The following MYO16 variants were observed in gnomAD, a reference collection of about 807,000 sequenced individuals.
MYO16 encodes myosin XVI.
MYO16 carries 94 observed loss-of-function variants against 205.3 expected under a neutral mutation model. The ratio of observed to expected loss-of-function variants is 0.46; its 90% CI spans 0.39 to 0.54. The LOEUF is 0.54. Among genes scored for constraint, MYO16 ranks in the 20% least tolerant of loss-of-function variants. The pLI, the probability that MYO16 is intolerant of heterozygous loss-of-function variation, is 0.00. For missense variants in MYO16, 2,315 were observed against 2,387.5 expected (o/e 0.97, Z 0.63); for synonymous variants, 988 against 954.0 (o/e 1.04, Z -0.66).
chr13:108,760,759 G>C (rs1308402078), intron 4 of MYO16, among the ~76,000 whole-genome samples: 1 of 152,146 alleles, frequency 6.6e-6, no homozygotes, highest in Non-Finnish European at 1.5e-5. Flanking sequence ...AGAGGAAGGA[G>C]GAGGTGGCAT....
chr13:108,898,518 C>T (rs117568636), intron 15 of MYO16, among the ~76,000 whole-genome samples: 1,959 of 152,088 alleles, frequency 0.013, 26 homozygotes, highest in Admixed American at 0.022. Context: ...AAACCCAGAC[C>T]AAACGTAGCT....
In MYO16 at chr13:108,667,430, C is replaced by T. The variant is rs1159344400; in HGVS notation, c.292+1281C>T. The stretch of plus-strand genomic sequence containing the variant: ...TCCACTTACTTTACCCATGAAGGAA[C>T]TGAAATTCAGCCATTGTATCATATT... On this transcript the variant is annotated intron_variant, in intron 2 of 34. Transcript: ENST00000457511. Among the ~76,000 whole-genome samples, 7 of 149,954 alleles carry T rather than the reference C, an allele frequency of 4.7e-5. No homozygotes were observed. In the South Asian group the frequency reaches 1.3e-3, roughly 27 times the overall value.
the MYO16 span, among the ~76,000 whole-genome samples, chr13:108,585,126 A>G: frequency 6.6e-6 from 1 of 152,112 alleles, no homozygotes; most frequent in Non-Finnish European, 1.5e-5. Context: ...TCTGTAAAAT[A>G]TTTTCAGAGA....
chr13:108,520,230 A>G, the MYO16 span, among the ~76,000 whole-genome samples: 50,238 of 151,964 alleles, frequency 0.33, 10,202 homozygotes, highest in African/African-American at 0.57. Flanking sequence ...TCTGTCTGGT[A>G]TGCTTCAGTT....
the MYO16 span, among the ~76,000 whole-genome samples, chr13:108,578,013 A>G: frequency 2.0e-5 from 3 of 152,116 alleles, no homozygotes; most frequent in Non-Finnish European, 4.4e-5. Flanking sequence ...GCTCCTCTTT[A>G]TGTTTTGATC....
chr13:108,661,849 G>A (rs1474417753), intron 1 of MYO16, among the ~76,000 whole-genome samples: 1 of 152,082 alleles, frequency 6.6e-6, no homozygotes, highest in Non-Finnish European at 1.5e-5. Context: ...TTTTTGGGAT[G>A]TTGAAGAGCC....
intron 16 of MYO16, among the ~76,000 whole-genome samples, chr13:108,920,798 A>G (rs1237870185): frequency 6.6e-6 from 1 of 152,236 alleles, no homozygotes; most frequent in Non-Finnish European, 1.5e-5. Context: ...TTCCGTATAA[A>G]TAAGAGATAT....
At chr13:108,533,232 T>A in the MYO16 span, among the ~76,000 whole-genome samples, 1 of 152,052 alleles carries the variant, frequency 6.6e-6, no homozygotes. Flanking sequence ...CAAAGAGAAG[T>A]TACCTCCCGA....
intron 9 of MYO16, among the ~76,000 whole-genome samples, chr13:108,839,573 C>T (rs1275870498): frequency 6.6e-6 from 1 of 152,124 alleles, no homozygotes; most frequent in Non-Finnish European, 1.5e-5. Flanking sequence ...ATATCATTCA[C>T]TCCCAAAAAG....
At chr13:108,895,958 G>A (rs967969990) in intron 14 of MYO16, among the ~76,000 whole-genome samples, 8 of 152,140 alleles carry the variant, frequency 5.3e-5, no homozygotes, top group East Asian at 3.9e-4. Flanking sequence ...TTATTCCAGC[G>A]TGAGAATTAA....
intron 23 of MYO16, among the ~76,000 whole-genome samples, chr13:109,023,616 T>G (rs1354934071): frequency 3.2e-5 from 4 of 125,434 alleles, no homozygotes; most frequent in South Asian, 4.7e-4. Flanking sequence ...TATTTATATA[T>G]ACAAATATAT....
chr13:108,557,861 T>G, the MYO16 span, among the ~76,000 whole-genome samples: 1 of 152,288 alleles, frequency 6.6e-6, no homozygotes, highest in Admixed American at 6.5e-5. Flanking sequence ...CCTTTTTTAT[T>G]AAATTTTATT....
the MYO16 span, among the ~76,000 whole-genome samples, chr13:108,531,625 A>AT: frequency 0.8 from 118,021 of 148,328 alleles, 46,965 homozygotes; most frequent in Admixed American, 0.84. Flanking sequence ...ATGCTTTCTA[A>AT]TTTTTTTTTT....
At chr13:108,542,613 T>C in the MYO16 span, among the ~76,000 whole-genome samples, 3 of 152,334 alleles carry the variant, frequency 2.0e-5, no homozygotes, top group East Asian at 3.9e-4. Flanking sequence ...TATTTTGAAA[T>C]CTTACATACA....
chr13:109,055,869 T>A lies in MYO16; in HGVS notation c.3335+274T>A, dbSNP rs527834394. The A allele has an allele frequency of 4.7e-5, 14 of 298,278 alleles. No individual in the cohort carries two copies. The highest frequency in any genetic ancestry group is 2.8e-4 in the African/African-American group (13 of 47,106). The allele number at this position is 298,278 out of a possible 1,614,324, so 18.5% of individuals were successfully genotyped here. A position where few individuals can be genotyped will look rare whatever the true frequency, so the allele number is the denominator to read the frequency against. On this transcript the variant is annotated intron_variant, in intron 27 of 34. Coordinates refer to ENST00000457511, the MANE Select transcript of MYO16 (RefSeq NM_001198950.3). This position sits in a 1 kb window ranked among gnomAD's most constrained non-coding sequence, Gnocchi z 5.0. Reference sequence around the variant, plus strand: ...TGTGGCTTTCCTTGGATTAAAGTTTTGTAAAATGATTGCATGTGATATTTA... The same window carrying A: ...TGTGGCTTTCCTTGGATTAAAGTTTAGTAAAATGATTGCATGTGATATTTA...
chr13:108,961,520 C>G lies in MYO16; in HGVS notation c.2038-19C>G. The G allele has an allele frequency of 1.3e-6, 2 of 1,586,300 alleles. No homozygotes were observed. Among genetic ancestry groups the G allele is most frequent in the South Asian group, 1.1e-5 (1 of 90,452 alleles). On this transcript the variant is annotated intron_variant, in intron 17 of 34. Transcript: ENST00000457511. ...CTTCTAAGCACCCTATTCATTCTCTCTGTTTGTAAAATGCATAGGAGGTGG... is the reference window on the plus strand; with the variant it reads ...CTTCTAAGCACCCTATTCATTCTCTGTGTTTGTAAAATGCATAGGAGGTGG...
intron 12 of MYO16, among the ~76,000 whole-genome samples, chr13:108,876,596 A>G (rs1594362985): frequency 6.6e-6 from 1 of 152,066 alleles, no homozygotes; most frequent in South Asian, 2.1e-4. Context: ...ACACATATAT[A>G]CATTCAAAAA....
intron 28 of MYO16, among the ~76,000 whole-genome samples, chr13:109,108,420 T>A (rs1889185622): frequency 6.6e-6 from 1 of 152,344 alleles, no homozygotes; most frequent in South Asian, 2.1e-4. Context: ...AAGAGTAATA[T>A]CTTAGAGTAC....
chr13:108,599,170 C>A (rs1878670866), intron 1 of MYO16, among the ~76,000 whole-genome samples: 1 of 151,070 alleles, frequency 6.6e-6, no homozygotes, highest in African/African-American at 2.4e-5. Context: ...AGGATATGAA[C>A]TCATCATTTT....
Sources: gnomAD v4.1 joint callset for allele counts (sites outside exome capture counted in the v4.1 genomes callset) on GRCh38, gnomAD v4.1.1 for gene constraint, Gnocchi (gnomAD v3.1) non-coding constraint, MANE v1.5 for transcripts, NCBI Gene and HGNC (gene_info 2026-07-23, HGNC 2026-07-21) for gene names.